Variants in CD96 observed in about 807,000 individuals in gnomAD.
The protein encoded by CD96 is T-cell surface protein tactile.
Under a neutral mutation model 71.3 loss-of-function variants are expected in CD96, and 70 were observed. The ratio of observed to expected loss-of-function variants is 0.98; its 90% CI spans 0.81 to 1.20. The LOEUF is 1.20. Among genes scored for constraint, CD96 ranks in the 50% most tolerant of loss-of-function variants. CD96 has a pLI of 0.00. For synonymous variants in CD96, 248 were observed against 233.0 expected, an observed-to-expected ratio of 1.06 and a Z score of -0.59; for missense variants, 742 against 677.5, an observed-to-expected ratio of 1.10 and a Z score of -1.06.
downstream of CD96, among the ~76,000 whole-genome samples, chr3:111,657,201 C>T (rs544817400): frequency 3.9e-5 from 6 of 151,932 alleles, no homozygotes; most frequent in Admixed American, 2.6e-4. Context: ...GGGCAGATCA[C>T]GAAGTCAGGA....
intron 1 of CD96, among the ~76,000 whole-genome samples, chr3:111,544,462 A>G (rs1223724789): frequency 6.6e-6 from 1 of 152,062 alleles, no homozygotes; most frequent in East Asian, 1.9e-4. Flanking sequence ...GACTTTGAGC[A>G]TACTGTTTCA....
chr3:111,561,159 C>T (rs1935375216), intron 2 of CD96, among the ~76,000 whole-genome samples: 1 of 128,160 alleles, frequency 7.8e-6, no homozygotes, highest in Non-Finnish European at 1.7e-5. Context: ...TTTGAATGTC[C>T]TCCCGTAGCT....
chr3:111,593,482 T>A (rs1937090727), intron 5 of CD96: 1 of 1,497,016 alleles, frequency 6.7e-7, no homozygotes, highest in Non-Finnish European at 8.9e-7. Context: ...GAGTTGAAAC[T>A]AAAATGGCTC....
Position 111,650,650 on chromosome 3 carries a change from A to T in CD96, c.*844A>T, listed in dbSNP as rs886057776. On this transcript the variant is annotated 3_prime_UTR_variant, in exon 14 of 14. Coordinates refer to ENST00000352690, the MANE Select transcript of CD96 (RefSeq NM_005816.5). ...CAGTTATTCTCTTTTTCATCTGGGG[A>T]TTTACCTGTTCATTTAATCTGCCTG... The T allele has an allele frequency of 6.6e-6, 1 of 152,222 alleles. No homozygotes were observed. Among genetic ancestry groups the T allele is most frequent in the African/African-American group, 2.4e-5 (1 of 41,436 alleles). 9.4% of individuals were successfully genotyped at this position (152,222 alleles called of 1,614,324 possible). A position where few individuals can be genotyped will look rare whatever the true frequency, so the allele number is the denominator to read the frequency against.
intron 5 of CD96, chr3:111,593,686 C>T (rs771083137): frequency 1.9e-6 from 3 of 1,612,974 alleles, no homozygotes; most frequent in South Asian, 2.2e-5. Context: ...TTTCCACAGC[C>T]CTCTCCCGCC....
chr3:111,635,631 C>T (rs1939291578), intron 10 of CD96, among the ~76,000 whole-genome samples: 1 of 152,174 alleles, frequency 6.6e-6, no homozygotes, highest in Non-Finnish European at 1.5e-5. Context: ...TTGCTGAAAA[C>T]TATTAGTGTC....
intron 10 of CD96, among the ~76,000 whole-genome samples, chr3:111,635,895 A>G (rs1939303557): frequency 6.6e-6 from 1 of 152,328 alleles, no homozygotes; most frequent in Admixed American, 6.5e-5. Flanking sequence ...AAGGTTATTC[A>G]GAACAAACTT....
chr3:111,567,293 G>T (rs1935762078), intron 2 of CD96, among the ~76,000 whole-genome samples: 1 of 152,178 alleles, frequency 6.6e-6, no homozygotes. Flanking sequence ...TTCTGTTGGG[G>T]TCATTTCCTT....
At chr3:111,621,574 A>T (rs1435842039) in intron 8 of CD96, among the ~76,000 whole-genome samples, 3 of 152,264 alleles carry the variant, frequency 2.0e-5, no homozygotes, top group Admixed American at 2.0e-4. Context: ...GAATTGCTGC[A>T]GAGAGAACAA....
At chr3:111,590,398 TACCTG>T (rs1206421529) in intron 5 of CD96, among the ~76,000 whole-genome samples, 1 of 152,242 alleles carries the variant, frequency 6.6e-6, no homozygotes, top group Non-Finnish European at 1.5e-5. Context: ...CTGTCTCTGC[TACCTG>T]TTCACTACAC....
At position 111,545,142 on chromosome 3, in the gene CD96, T is replaced by C; in HGVS notation, c.158T>C (p.Phe53Ser). 6.2e-7 allele frequency: 1 copy of C among 1,614,192 alleles called. No individual in the cohort carries two copies. Among genetic ancestry groups the C allele is most frequent in the Non-Finnish European group, 8.5e-7 (1 of 1,180,022 alleles). The change falls in exon 2 of 14, where the codon TTC (phenylalanine) becomes TCC (serine). Residue 53 changes from phenylalanine to serine, a missense_variant. Phe to Ser is a radical substitution (Grantham distance 155). Coordinates refer to ENST00000352690, the MANE Select transcript of CD96 (RefSeq NM_005816.5). ...LTCQTQTVGF[F>S]VQMQWSKVTN... ...TGCCAAACACAGACAGTAGGCTTCT[T>C]CGTGCAGATGCAATGGTCCAAGGTC...
chr3:111,564,181 T>G (rs1436940405), intron 2 of CD96, among the ~76,000 whole-genome samples: 1 of 152,016 alleles, frequency 6.6e-6, no homozygotes, highest in Non-Finnish European at 1.5e-5. Context: ...TCATTTTAAA[T>G]TTTATTATAT....
At chr3:111,656,742 A>C (rs1265763873), downstream of CD96, among the ~76,000 whole-genome samples, 1 of 152,178 alleles carries the variant, frequency 6.6e-6, no homozygotes, top group East Asian at 1.9e-4. Flanking sequence ...TTATTAAGGG[A>C]AAAAGGTGAA....
intron 10 of CD96, among the ~76,000 whole-genome samples, chr3:111,631,700 A>G (rs1285391032): frequency 6.6e-6 from 1 of 152,184 alleles, no homozygotes; most frequent in African/African-American, 2.4e-5. Context: ...ACAAAGCTGG[A>G]GGCATCATGC....
downstream of CD96, among the ~76,000 whole-genome samples, chr3:111,656,602 T>C (rs1940235407): frequency 6.6e-6 from 1 of 152,194 alleles, no homozygotes; most frequent in Non-Finnish European, 1.5e-5. Context: ...TTTGAAATTA[T>C]CTAAATGTCC....
chr3:111,561,317 G>A (rs1019197611), intron 2 of CD96, among the ~76,000 whole-genome samples: 2 of 149,680 alleles, frequency 1.3e-5, no homozygotes, highest in Admixed American at 6.7e-5. Flanking sequence ...TTTCTGTTCT[G>A]TTTTTTCCCC....
At chr3:111,543,502 T>C (rs1018455296) in intron 1 of CD96, among the ~76,000 whole-genome samples, 4 of 152,224 alleles carry the variant, frequency 2.6e-5, no homozygotes, top group African/African-American at 9.6e-5. Flanking sequence ...GTGAAATTTC[T>C]TACTCTAATC....
At chr3:111,598,062 T>C (rs1937337250) in intron 5 of CD96, 58 bp from the exon 6 acceptor site, 2 of 802,422 alleles carry the variant, frequency 2.5e-6, no homozygotes, top group Non-Finnish European at 4.5e-6. Context: ...TAGTAAGTTG[T>C]AAGGAGTACC....
At chr3:111,556,565 C>T (rs59672540) in intron 2 of CD96, among the ~76,000 whole-genome samples, 9,717 of 129,322 alleles carry the variant, frequency 0.075, 392 homozygotes, top group Non-Finnish European at 0.098. Flanking sequence ...TAGTATTCCA[C>T]GGTGTATATG....
Sources: gnomAD v4.1 joint callset for allele counts (sites outside exome capture counted in the v4.1 genomes callset) on GRCh38, gnomAD v4.1.1 for gene constraint, MANE v1.5 for transcripts, NCBI Gene and HGNC (gene_info 2026-07-23, HGNC 2026-07-21) for gene names.